Variants in LGSN observed in about 807,000 individuals in gnomAD.
LGSN encodes the protein lengsin, lens protein with glutamine synthetase domain.
Under a neutral mutation model 19.5 loss-of-function variants are expected in LGSN, and 21 were observed. The ratio of observed to expected loss-of-function variants is 1.07; its 90% confidence interval spans 0.76 to 1.55. The LOEUF (loss-of-function observed/expected upper bound fraction) is 1.55, where lower values mean the gene tolerates loss of function less well. Ranked by LOEUF, LGSN falls within the 40% of genes most tolerant of loss-of-function variation. The pLI is 0.00. For synonymous variants in LGSN, 257 were observed against 215.6 expected, an observed-to-expected ratio of 1.19 and a Z score of -1.68; for missense variants, 673 against 608.5, an observed-to-expected ratio of 1.11 and a Z score of -1.12.
intron 1 of LGSN, among the ~76,000 whole-genome samples, chr6:63,311,820 G>C (rs1385087215): frequency 6.6e-6 from 1 of 152,084 alleles, no homozygotes; most frequent in Non-Finnish European, 1.5e-5. Context: ...TCACCATGTG[G>C]TACAGCAGAT....
chr6:63,419,828 C>T, the LGSN span, among the ~76,000 whole-genome samples: 2 of 120,696 alleles, frequency 1.7e-5, no homozygotes, highest in African/African-American at 6.3e-5. Context: ...GCAGAGGTTG[C>T]AGTGATGATA....
chr6:63,384,001 T>C, the LGSN span, among the ~76,000 whole-genome samples: 1 of 152,202 alleles, frequency 6.6e-6, no homozygotes, highest in African/African-American at 2.4e-5. Context: ...AAAAGGATCC[T>C]AGATGTCTGC....
chr6:63,418,554 C>G, the LGSN span, among the ~76,000 whole-genome samples: 3 of 151,972 alleles, frequency 2.0e-5, no homozygotes, highest in African/African-American at 7.3e-5. Context: ...AGCGAGACTC[C>G]GTCTCAAATA....
chr6:63,506,351 C>T, the LGSN span, among the ~76,000 whole-genome samples: 1 of 151,884 alleles, frequency 6.6e-6, no homozygotes, highest in Non-Finnish European at 1.5e-5. Context: ...GCAACCTCCA[C>T]CTCCCAGGTT....
chr6:63,328,952 G>A, the LGSN span, among the ~76,000 whole-genome samples: 1 of 152,212 alleles, frequency 6.6e-6, no homozygotes, highest in Non-Finnish European at 1.5e-5. Flanking sequence ...AGCCAGTAAA[G>A]GCTGTATTCA....
the LGSN span, among the ~76,000 whole-genome samples, chr6:63,332,660 G>A: frequency 2.6e-5 from 4 of 152,146 alleles, no homozygotes; most frequent in East Asian, 1.9e-4. Flanking sequence ...TCCACTGGCC[G>A]ACAGGTGCCC....
chr6:63,552,398 A>C, the LGSN span, among the ~76,000 whole-genome samples: 4 of 151,754 alleles, frequency 2.6e-5, no homozygotes, highest in South Asian at 2.1e-4. Flanking sequence ...TTTTTCTTGT[A>C]AATTTGTTTG....
the LGSN span, among the ~76,000 whole-genome samples, chr6:63,449,550 A>G: frequency 6.6e-6 from 1 of 152,188 alleles, no homozygotes; most frequent in Non-Finnish European, 1.5e-5. Flanking sequence ...TCAAAAAAAA[A>G]AAAAAGAAAA....
the LGSN span, among the ~76,000 whole-genome samples, chr6:63,427,457 C>A: frequency 6.6e-6 from 1 of 152,068 alleles, no homozygotes; most frequent in Non-Finnish European, 1.5e-5. Context: ...AAAATATAAG[C>A]CGAGGCAGAT....
At position 63,276,595 on chromosome 6, in the gene LGSN, C is replaced by A. The variant is rs1029216179; in HGVS notation, c.*3426G>T. On this transcript the variant is annotated 3_prime_UTR_variant, in exon 4 of 4. Transcript: ENST00000370657. Reference sequence around the variant, plus strand: ...GCACCCTTTTCGAGCCATAAAGAAGCTTTCCAAATAGCTTTTTTCAGCATT... The same window carrying A: ...GCACCCTTTTCGAGCCATAAAGAAGATTTCCAAATAGCTTTTTTCAGCATT... 6.6e-6 allele frequency: 1 copy of A among 152,066 alleles called. No homozygotes were observed. Among genetic ancestry groups the A allele is most frequent in the South Asian group, 2.1e-4 (1 of 4,812 alleles). 9.4% of individuals were successfully genotyped at this position (152,066 alleles called of 1,614,324 possible). A position where few individuals can be genotyped will look rare whatever the true frequency, so the allele number is the denominator to read the frequency against.
At chr6:63,473,507 C>T in the LGSN span, among the ~76,000 whole-genome samples, 4 of 148,134 alleles carry the variant, frequency 2.7e-5, no homozygotes, top group African/African-American at 1.0e-4. Flanking sequence ...AAAAATCTAG[C>T]TCATGTTTAA....
At chr6:63,327,259 C>T in the LGSN span, among the ~76,000 whole-genome samples, 1 of 152,110 alleles carries the variant, frequency 6.6e-6, no homozygotes, top group Non-Finnish European at 1.5e-5. Flanking sequence ...GGCCTCGATT[C>T]TAGAGGAAAC....
At chr6:63,392,874 T>C in the LGSN span, among the ~76,000 whole-genome samples, 1 of 147,456 alleles carries the variant, frequency 6.8e-6, no homozygotes, top group Non-Finnish European at 1.5e-5. Context: ...GGCTCCATCT[T>C]CTTCTTCTTT....
chr6:63,453,908 G>A, the LGSN span, among the ~76,000 whole-genome samples: 3 of 151,806 alleles, frequency 2.0e-5, no homozygotes, highest in South Asian at 2.1e-4. Context: ...CACCTGCCTC[G>A]GCCTCCCAAA....
chr6:63,555,871 T>C, the LGSN span, among the ~76,000 whole-genome samples: 2 of 151,942 alleles, frequency 1.3e-5, no homozygotes, highest in Non-Finnish European at 2.9e-5. Context: ...TTTTTGCATT[T>C]TTAGTAGAGA....
the LGSN span, among the ~76,000 whole-genome samples, chr6:63,442,150 T>C: frequency 6.6e-6 from 1 of 151,712 alleles, no homozygotes; most frequent in South Asian, 2.1e-4. Flanking sequence ...TGTTGGTCCC[T>C]CCCAATGCGT....
At chr6:63,325,473 C>T in the LGSN span, among the ~76,000 whole-genome samples, 1 of 152,118 alleles carries the variant, frequency 6.6e-6, no homozygotes, top group African/African-American at 2.4e-5. Flanking sequence ...TATACACTAA[C>T]AAACTGGAAA....
the LGSN span, among the ~76,000 whole-genome samples, chr6:63,406,833 T>A: frequency 1.4e-5 from 2 of 147,338 alleles, no homozygotes; most frequent in East Asian, 3.9e-4. Context: ...CAATAAAAAA[T>A]GATAAAGGGG....
the LGSN span, among the ~76,000 whole-genome samples, chr6:63,456,377 A>ATATATATATG: frequency 2.6e-5 from 1 of 37,922 alleles, no homozygotes; most frequent in African/African-American, 5.6e-5. Context: ...ATATATATAT[A>ATATATATATG]TATATATATA....
Sources: allele counts gnomAD v4.1 joint callset (sites outside exome capture counted in the v4.1 genomes callset), GRCh38; gene constraint gnomAD v4.1.1; transcripts MANE v1.5; gene names NCBI Gene and HGNC (gene_info 2026-07-23, HGNC 2026-07-21).